The following PDE8B variants were observed in gnomAD, a reference collection of about 807,000 sequenced individuals.
The protein encoded by PDE8B is phosphodiesterase 8B, also known as high affinity cAMP-specific and IBMX-insensitive 3',5'-cyclic phosphodiesterase 8B.
Under a neutral mutation model 101.3 loss-of-function variants are expected in PDE8B, and 26 were observed. The observed-to-expected ratio is 0.26, with a 90% confidence interval of 0.19 to 0.36. The LOEUF (loss-of-function observed/expected upper bound fraction) is 0.36. PDE8B is among the 10% of genes least tolerant of loss of function. The probability of loss-of-function intolerance (pLI) is 1.00; values close to 1 mark genes in which losing one functional copy is unlikely to be tolerated. For missense variants in PDE8B, 810 were observed against 1,163.1 expected, an observed-to-expected ratio of 0.70 and a Z score of 4.42; for synonymous variants, 424 against 429.3, an observed-to-expected ratio of 0.99 and a Z score of 0.15.
intron 10 of PDE8B, among the ~76,000 whole-genome samples, chr5:77,374,240 C>T (rs1785630200): frequency 6.6e-6 from 1 of 152,046 alleles, no homozygotes; most frequent in South Asian, 2.1e-4. Flanking sequence ...CTTTTCCCAT[C>T]CACTTACTTT....
intron 1 of PDE8B, among the ~76,000 whole-genome samples, chr5:77,242,874 G>A (rs1027362054): frequency 6.6e-6 from 1 of 152,138 alleles, no homozygotes; most frequent in South Asian, 2.1e-4. Context: ...CACCATATTA[G>A]CCAGGATGGT....
chr5:77,180,268 T>A, the PDE8B span, among the ~76,000 whole-genome samples: 1 of 152,118 alleles, frequency 6.6e-6, no homozygotes, highest in South Asian at 2.1e-4. Flanking sequence ...GGGACGCGTC[T>A]GGAAAGTGAA....
the PDE8B span, among the ~76,000 whole-genome samples, chr5:77,192,762 TC>T: frequency 6.6e-6 from 1 of 152,202 alleles, no homozygotes; most frequent in Non-Finnish European, 1.5e-5. Flanking sequence ...GAGACTGCTG[TC>T]CTTAAAAGAG....
At chr5:77,164,440 A>G in the PDE8B span, among the ~76,000 whole-genome samples, 1 of 152,264 alleles carries the variant, frequency 6.6e-6, no homozygotes, top group Non-Finnish European at 1.5e-5. Context: ...ACTCTGCAGA[A>G]GAAAGAAAAG....
the PDE8B span, among the ~76,000 whole-genome samples, chr5:77,099,899 A>G: frequency 6.6e-6 from 1 of 152,132 alleles, no homozygotes; most frequent in Non-Finnish European, 1.5e-5. Flanking sequence ...CGTGAACCAC[A>G]ACGCCCGGCC....
chr5:77,171,104 T>C, the PDE8B span, among the ~76,000 whole-genome samples: 4 of 152,194 alleles, frequency 2.6e-5, no homozygotes, highest in Non-Finnish European at 5.9e-5. Flanking sequence ...TATTTTCTGA[T>C]GGAAATAATT....
the PDE8B span, among the ~76,000 whole-genome samples, chr5:77,163,923 C>T: frequency 1.3e-5 from 2 of 152,164 alleles, no homozygotes. Context: ...ACCCCATGGC[C>T]TTGTTGTCTT....
intron 10 of PDE8B, among the ~76,000 whole-genome samples, chr5:77,358,008 G>T (rs1015878192): frequency 3.9e-5 from 6 of 152,148 alleles, no homozygotes; most frequent in Non-Finnish European, 7.3e-5. Flanking sequence ...CTGCCCCCAT[G>T]CCTTTACTCT....
intron 1 of PDE8B, among the ~76,000 whole-genome samples, chr5:77,311,397 G>T (rs1313700609): frequency 6.6e-6 from 1 of 152,216 alleles, no homozygotes; most frequent in South Asian, 2.1e-4. Context: ...ATCATGGTGT[G>T]GTGTTGCTCA....
intron 10 of PDE8B, among the ~76,000 whole-genome samples, chr5:77,372,179 G>A (rs988976963): frequency 5.9e-5 from 9 of 151,428 alleles, no homozygotes; most frequent in Non-Finnish European, 1.3e-4. Context: ...CAGCCTGGGT[G>A]ATAGAGTGAG....
chr5:77,134,898 A>G, the PDE8B span, among the ~76,000 whole-genome samples: 1 of 152,164 alleles, frequency 6.6e-6, no homozygotes, highest in East Asian at 1.9e-4. Context: ...AGCCATGGGG[A>G]ACTGGATCTA....
intron 20 of PDE8B, among the ~76,000 whole-genome samples, chr5:77,424,651 C>T (rs972425564): frequency 3.9e-5 from 6 of 152,306 alleles, no homozygotes; most frequent in South Asian, 4.1e-4. Flanking sequence ...CACAAGACAA[C>T]CAGCAGATTT....
At chr5:77,243,455 T>C (rs1395537660) in intron 1 of PDE8B, among the ~76,000 whole-genome samples, 1 of 152,208 alleles carries the variant, frequency 6.6e-6, no homozygotes, top group Non-Finnish European at 1.5e-5. Context: ...TACAATCTAG[T>C]TTTAGAACAT....
the PDE8B span, among the ~76,000 whole-genome samples, chr5:77,090,933 A>G: frequency 6.6e-6 from 1 of 152,210 alleles, no homozygotes; most frequent in Non-Finnish European, 1.5e-5. Context: ...TATACCCAAT[A>G]GTAGTATTAG....
chr5:77,303,452 C>G (rs1170965863), intron 1 of PDE8B, among the ~76,000 whole-genome samples: 2 of 152,108 alleles, frequency 1.3e-5, no homozygotes, highest in East Asian at 3.9e-4. Flanking sequence ...GCCTGTAATC[C>G]CAGCTACTTG....
intron 1 of PDE8B, among the ~76,000 whole-genome samples, chr5:77,249,713 C>G (rs903963544): frequency 1.3e-5 from 2 of 152,216 alleles, no homozygotes; most frequent in Non-Finnish European, 2.9e-5. Context: ...TAGCGGCATC[C>G]TGCCTTATCA....
the PDE8B span, among the ~76,000 whole-genome samples, chr5:77,122,339 G>A: frequency 6.6e-6 from 1 of 152,100 alleles, no homozygotes; most frequent in Non-Finnish European, 1.5e-5. Context: ...AATCAGAGTC[G>A]ATTACTCTTT....
In PDE8B at chr5:77,412,003, C is replaced by CT. The variant is rs1343993312; in HGVS notation, c.1577-90dup. Reference sequence around the variant, plus strand: ...AATAACAGAAAAATCAGGTACAAGACTTTTTTTCTAGTAGTAACTATGAAG... The same window carrying CT: ...AATAACAGAAAAATCAGGTACAAGACTTTTTTTTCTAGTAGTAACTATGAAG... On this transcript the variant is annotated intron_variant, in intron 15 of 21. Transcript: ENST00000264917. 31 of 1,291,674 alleles carry CT rather than the reference C, an allele frequency of 2.4e-5. No homozygotes were observed. The East Asian group carries it at 6.0e-4, about 25-fold the overall frequency. 80.0% of individuals were successfully genotyped at this position (1,291,674 alleles called of 1,614,324 possible). A position where few individuals can be genotyped will look rare whatever the true frequency, so the allele number is the denominator to read the frequency against.
chr5:77,311,523 A>G (rs906912825), intron 1 of PDE8B, among the ~76,000 whole-genome samples: 4 of 152,242 alleles, frequency 2.6e-5, no homozygotes, highest in African/African-American at 9.6e-5. Flanking sequence ...AGATCTAAAT[A>G]TAGGAAAGGC....
Sources: gnomAD v4.1 joint callset for allele counts (sites outside exome capture counted in the v4.1 genomes callset) on GRCh38, gnomAD v4.1.1 for gene constraint, MANE v1.5 for transcripts, NCBI Gene and HGNC (gene_info 2026-07-23, HGNC 2026-07-21) for gene names.